The following RAB31 variants were observed in gnomAD, a reference collection of about 807,000 sequenced individuals.
RAB31 encodes the protein RAB31, member RAS oncogene family, also known as ras-related protein Rab-31.
Under a neutral mutation model 25.6 loss-of-function variants are expected in RAB31, and 21 were observed. The ratio of observed to expected loss-of-function variants is 0.82; its 90% CI spans 0.58 to 1.18. The LOEUF is 1.18. RAB31 is among the 50% of genes most tolerant of loss of function. The pLI, the probability that RAB31 is intolerant of heterozygous loss-of-function variation, is 0.00. For synonymous variants in RAB31, 87 were observed against 84.0 expected (o/e 1.04, Z -0.20); for missense variants, 196 against 250.1 (o/e 0.78, Z 1.46).
rs1397821979 is a variant in RAB31 at position 9,862,325 on chromosome 18, T to C, written c.*3000T>C. On this transcript the variant is annotated 3_prime_UTR_variant, in exon 7 of 7. Coordinates refer to ENST00000578921, the MANE Select transcript of RAB31 (RefSeq NM_006868.4). ...GAAACCAGACCCTGTAGTCCAGTGG[T>C]GCTGCCCTGTTGTGCAAACTGCTCC... 1 of 152,268 alleles carries C rather than the reference T, an allele frequency of 6.6e-6. No homozygotes were observed. Among genetic ancestry groups the C allele is most frequent in the African/African-American group, 2.4e-5 (1 of 41,462 alleles). 9.4% of individuals were successfully genotyped at this position (152,268 alleles called of 1,614,324 possible).
Position 9,708,605 on chromosome 18 carries a change from C to A in RAB31, c.39+161C>A, listed in dbSNP as rs991658300. Among the ~76,000 whole-genome samples, 1 of 151,402 alleles carries A rather than the reference C, an allele frequency of 6.6e-6. No homozygotes were observed. Among genetic ancestry groups the A allele is most frequent in the Non-Finnish European group, 1.5e-5 (1 of 67,790 alleles). ...CCGCGCGCCCCCTGGTTCCCCGGGT[C>A]CCCCTGGCTCCCCTAGTCCGTGCGC... On this transcript the variant is annotated intron_variant, in intron 1 of 6. Transcript: ENST00000578921. This position sits in a 1 kb window ranked among gnomAD's most constrained non-coding sequence, Gnocchi z 6.4.
At chr18:9,805,471 A>G (rs895419746) in intron 3 of RAB31, among the ~76,000 whole-genome samples, 3 of 151,286 alleles carry the variant, frequency 2.0e-5, no homozygotes, top group Admixed American at 1.3e-4. Context: ...TCTCTCTCCC[A>G]CTCCCCTGCC....
chr18:9,831,794 C>G (rs946876505), intron 5 of RAB31, among the ~76,000 whole-genome samples: 3 of 152,234 alleles, frequency 2.0e-5, no homozygotes, highest in African/African-American at 7.2e-5. Flanking sequence ...ACAGTTTTCT[C>G]GAACACGGGG....
At chr18:9,741,195 G>A (rs1024425954) in intron 1 of RAB31, among the ~76,000 whole-genome samples, 4 of 151,864 alleles carry the variant, frequency 2.6e-5, no homozygotes, top group African/African-American at 9.7e-5. Flanking sequence ...GGCCAACATG[G>A]TGAAACTCCG....
At chr18:9,854,014 G>A (rs1599068753) in intron 6 of RAB31, among the ~76,000 whole-genome samples, 1 of 145,962 alleles carries the variant, frequency 6.9e-6, no homozygotes, top group East Asian at 2.0e-4. Flanking sequence ...CAGAACATGC[G>A]GGTTTGTTAC....
chr18:9,725,003 C>T (rs80131438), intron 1 of RAB31, among the ~76,000 whole-genome samples: 1,692 of 152,162 alleles, frequency 0.011, 32 homozygotes, highest in African/African-American at 0.036. Context: ...CAGGCTGGGT[C>T]GGTTGGGTGC....
chr18:9,726,814 C>T (rs111307733), intron 1 of RAB31, among the ~76,000 whole-genome samples: 3,948 of 152,108 alleles, frequency 0.026, 89 homozygotes, highest in Middle Eastern at 0.095. Context: ...GTTTAATGCA[C>T]GATGGACTTT....
chr18:9,837,903 G>T (rs1386629974), intron 5 of RAB31, among the ~76,000 whole-genome samples: 2 of 152,226 alleles, frequency 1.3e-5, no homozygotes, highest in East Asian at 3.9e-4. Context: ...GCTCTCCTGG[G>T]CATAAAATGA....
intron 1 of RAB31, among the ~76,000 whole-genome samples, chr18:9,773,796 C>A (rs1170813687): frequency 6.6e-6 from 1 of 152,094 alleles, no homozygotes; most frequent in Non-Finnish European, 1.5e-5. Context: ...GTAGCTGGGA[C>A]TACAGGCCCA....
At chr18:9,792,772 G>A (rs2068467564) in intron 3 of RAB31, among the ~76,000 whole-genome samples, 1 of 152,152 alleles carries the variant, frequency 6.6e-6, no homozygotes, top group Non-Finnish European at 1.5e-5. Context: ...GTGGGATCTG[G>A]CAGTACACTG....
intron 1 of RAB31, among the ~76,000 whole-genome samples, chr18:9,744,350 A>G (rs2068195045): frequency 1.3e-5 from 2 of 152,244 alleles, no homozygotes; most frequent in African/African-American, 2.4e-5. Context: ...AGCCGTAGGA[A>G]AAGCAAAGTT....
chr18:9,812,832 G>A (rs943655327), intron 3 of RAB31, among the ~76,000 whole-genome samples: 5 of 151,338 alleles, frequency 3.3e-5, no homozygotes, highest in African/African-American at 9.7e-5. Context: ...CAAGTAGCTG[G>A]GATTACAGGC....
At chr18:9,791,855 T>A (rs2068462042) in intron 2 of RAB31, among the ~76,000 whole-genome samples, 1 of 152,190 alleles carries the variant, frequency 6.6e-6, no homozygotes, top group African/African-American at 2.4e-5. Context: ...CTGCTCACCT[T>A]GGCCTCCCAA....
At chr18:9,850,340 G>A (rs546766047) in intron 6 of RAB31, among the ~76,000 whole-genome samples, 1 of 152,254 alleles carries the variant, frequency 6.6e-6, no homozygotes, top group South Asian at 2.1e-4. Flanking sequence ...GTCCAGGCTG[G>A]TCTTGAACTC....
At chr18:9,717,527 A>G (rs917621901) in intron 1 of RAB31, among the ~76,000 whole-genome samples, 1 of 149,782 alleles carries the variant, frequency 6.7e-6, no homozygotes, top group African/African-American at 2.4e-5. Flanking sequence ...CTTTCTATCA[A>G]TGTATTTTTT....
At chr18:9,786,873 C>T (rs1568178935) in intron 2 of RAB31, 2 of 152,612 alleles carry the variant, frequency 1.3e-5, no homozygotes, top group South Asian at 2.1e-4. Context: ...GAAGCCATGA[C>T]GTTGAAGACT....
chr18:9,831,896 G>T lies in RAB31; in HGVS notation c.381-13686G>T, dbSNP rs534798199. 3.3e-5 allele frequency among the ~76,000 whole-genome samples: 5 copies of T among 152,194 alleles called. No homozygotes were observed. The East Asian group carries it at 9.6e-4, about 29-fold the overall frequency. On this transcript the variant is annotated intron_variant, in intron 5 of 6. Transcript: ENST00000578921. ...AGAACGCTCTGCAGGATTCTGAGTGGCCAGTTGTGGCTCACAGTCCACTGG... is the reference window on the plus strand; with the variant it reads ...AGAACGCTCTGCAGGATTCTGAGTGTCCAGTTGTGGCTCACAGTCCACTGG...
At chr18:9,821,811 A>T (rs2068625795) in intron 5 of RAB31, among the ~76,000 whole-genome samples, 1 of 152,300 alleles carries the variant, frequency 6.6e-6, no homozygotes, top group African/African-American at 2.4e-5. Context: ...GAAGTCATGT[A>T]AGAGTTGAAT....
intron 1 of RAB31, among the ~76,000 whole-genome samples, chr18:9,751,110 C>T (rs929957725): frequency 1.3e-5 from 2 of 152,190 alleles, no homozygotes; most frequent in African/African-American, 4.8e-5. Context: ...TCATAGCTCA[C>T]TGCAACCTTG....
Sources: allele counts gnomAD v4.1 joint callset (sites outside exome capture counted in the v4.1 genomes callset), GRCh38; gene constraint gnomAD v4.1.1; non-coding constraint Gnocchi (gnomAD v3.1); transcripts MANE v1.5; gene names NCBI Gene and HGNC (gene_info 2026-07-23, HGNC 2026-07-21).